The following DOCK9 variants were observed in gnomAD, a reference collection of about 807,000 sequenced individuals.
The protein encoded by DOCK9 is dedicator of cytokinesis protein 9.
DOCK9 carries 89 observed loss-of-function variants against 263.3 expected under a neutral mutation model. The observed-to-expected ratio is 0.34, with a 90% CI of 0.28 to 0.40. The LOEUF (loss-of-function observed/expected upper bound fraction) is 0.40. Ranked by LOEUF, DOCK9 falls within the 10% of genes least tolerant of loss-of-function variation. DOCK9 has a pLI of 1.00. For synonymous variants in DOCK9, 976 were observed against 973.1 expected, an observed-to-expected ratio of 1.00 and a Z score of -0.06; for missense variants, 2,140 against 2,603.4, an observed-to-expected ratio of 0.82 and a Z score of 3.87.
chr13:98,904,840 G>A, intron 9 of DOCK9, 134 bp from the exon 10 acceptor site: 2 of 694,074 alleles, frequency 2.9e-6, no homozygotes, highest in Non-Finnish European at 4.7e-6. Flanking sequence ...GAGAGCCGCT[G>A]TGTGTGCCAG....
chr13:99,027,615 T>C (rs1424561651), intron 1 of DOCK9, among the ~76,000 whole-genome samples: 2 of 152,230 alleles, frequency 1.3e-5, no homozygotes, highest in Non-Finnish European at 2.9e-5. Context: ...TTGTAAGTCA[T>C]GATACGGTAA....
chr13:99,022,881 G>A (rs1886286872), intron 1 of DOCK9, among the ~76,000 whole-genome samples: 3 of 152,140 alleles, frequency 2.0e-5, no homozygotes, highest in Non-Finnish European at 4.4e-5. Context: ...CCCAGGAATC[G>A]AAGGCCGCAT....
At chr13:99,022,238 T>C in intron 1 of DOCK9, among the ~76,000 whole-genome samples, 1 of 151,780 alleles carries the variant, frequency 6.6e-6, no homozygotes, top group Non-Finnish European at 1.5e-5. Flanking sequence ...TGGACAGGAG[T>C]TGTTGGACCC....
chr13:98,808,215 T>C (rs1292945399), intron 47 of DOCK9, among the ~76,000 whole-genome samples: 2 of 152,144 alleles, frequency 1.3e-5, no homozygotes, highest in Non-Finnish European at 2.9e-5. Flanking sequence ...GCACACAGGA[T>C]TTTATGGCAT....
intron 1 of DOCK9, among the ~76,000 whole-genome samples, chr13:99,044,142 C>T (rs181905414): frequency 1.1e-4 from 16 of 152,342 alleles, no homozygotes; most frequent in African/African-American, 2.4e-4. Flanking sequence ...CAACTGCTCA[C>T]GCGACACTGT....
At chr13:98,900,267 A>G (rs1161802417) in intron 13 of DOCK9, among the ~76,000 whole-genome samples, 1 of 152,246 alleles carries the variant, frequency 6.6e-6, no homozygotes, top group Non-Finnish European at 1.5e-5. Flanking sequence ...TTTTACACCA[A>G]TATGAGCTGC....
intron 47 of DOCK9, chr13:98,808,528 A>G: frequency 2.7e-6 from 2 of 748,592 alleles, no homozygotes; most frequent in South Asian, 3.3e-5. Flanking sequence ...TGCACAAAAC[A>G]GTAAAAAAAA....
chr13:98,928,004 C>CAAAA (rs74265290), intron 3 of DOCK9, among the ~76,000 whole-genome samples: 3 of 62,230 alleles, frequency 4.8e-5, no homozygotes, highest in African/African-American at 8.5e-5. Flanking sequence ...ATCGCACATA[C>CAAAA]AAAAAAAAAA....
Position 98,825,940 on chromosome 13 carries a change from T to C in DOCK9, c.5023+890A>G. On this transcript the variant is annotated intron_variant, in intron 44 of 52. Transcript: ENST00000682017. This position sits in a 1 kb window ranked among gnomAD's most constrained non-coding sequence, Gnocchi z 4.1. ...AAGGGGCGGCTCCCACTGGACTGCT[T>C]CTAAACATGAGGAAATGCATCACCT... The C allele has an allele frequency of 6.5e-7, 1 of 1,541,236 alleles. No homozygotes were observed. The highest frequency in any genetic ancestry group is 8.8e-7 in the Non-Finnish European group (1 of 1,142,190).
At chr13:99,068,132 C>T (rs987700578) in intron 1 of DOCK9, among the ~76,000 whole-genome samples, 2 of 152,298 alleles carry the variant, frequency 1.3e-5, no homozygotes, top group Non-Finnish European at 2.9e-5. Flanking sequence ...AAGAAACCCT[C>T]ATCTGCTATT....
intron 27 of DOCK9, among the ~76,000 whole-genome samples, chr13:98,878,899 G>C (rs1360548020): frequency 2.0e-5 from 3 of 152,100 alleles, no homozygotes; most frequent in Non-Finnish European, 4.4e-5. Context: ...CCTAGATTCT[G>C]CCCCTCCCTC....
intron 1 of DOCK9, among the ~76,000 whole-genome samples, chr13:98,989,561 TA>T (rs1879334178): frequency 6.6e-6 from 1 of 152,036 alleles, no homozygotes; most frequent in Admixed American, 6.5e-5. Flanking sequence ...CCACAATGTT[TA>T]AACACAGATC....
chr13:98,969,326 C>A (rs1208772806), intron 1 of DOCK9, among the ~76,000 whole-genome samples: 1 of 152,156 alleles, frequency 6.6e-6, no homozygotes, highest in East Asian at 1.9e-4. Context: ...ATGGCTAAAC[C>A]TTTGCAGGTG....
chr13:98,848,447 G>A (rs1171402107), intron 37 of DOCK9, 145 bp downstream of exon 37: 5 of 751,238 alleles, frequency 6.7e-6, no homozygotes, highest in South Asian at 1.8e-5. Flanking sequence ...CAGGCTCTGC[G>A]GTGGCAATCC....
Position 98,848,710 on chromosome 13 carries a change from T to G in DOCK9, c.4014-71A>C, listed in dbSNP as rs370535207. On this transcript the variant is annotated intron_variant, in intron 36 of 52. Coordinates refer to ENST00000682017, the MANE Select transcript of DOCK9 (RefSeq NM_001366683.2). ...TATTTTCGGGACGTTATTTATCTGTTAACAATAACAAATTCAATAAACATT... is the reference window on the plus strand; with the variant it reads ...TATTTTCGGGACGTTATTTATCTGTGAACAATAACAAATTCAATAAACATT... 1.0e-4 allele frequency: 141 copies of G among 1,393,946 alleles called. 2 individuals are homozygous for G. Among genetic ancestry groups the G allele is most frequent in the South Asian group, 9.6e-4 (77 of 80,386 alleles). 86.3% of individuals were successfully genotyped at this position (1,393,946 alleles called of 1,614,324 possible).
intron 6 of DOCK9, 62 bp from the exon 7 acceptor site, chr13:98,921,150 A>G (rs2140072130): frequency 1.3e-6 from 2 of 1,504,908 alleles, no homozygotes; most frequent in South Asian, 2.5e-5. Flanking sequence ...ATCTCTATCA[A>G]TAACCCACTT....
At chr13:98,972,189 G>C (rs1490891670) in intron 1 of DOCK9, among the ~76,000 whole-genome samples, 1 of 152,190 alleles carries the variant, frequency 6.6e-6, no homozygotes, top group East Asian at 1.9e-4. Context: ...CTGCCTCCTA[G>C]AGTTGTGAGG....
At chr13:98,805,578 C>T (rs1220752163) in intron 48 of DOCK9, among the ~76,000 whole-genome samples, 2 of 152,134 alleles carry the variant, frequency 1.3e-5, no homozygotes, top group Non-Finnish European at 2.9e-5. Context: ...CACTGATTCC[C>T]TAATACCATC....
In DOCK9 at chr13:98,977,844, G is replaced by A. The variant is rs748058012; in HGVS notation, c.66C>T (p.Pro22=). 1.9e-6 allele frequency: 3 copies of A among 1,608,206 alleles called. No individual in the cohort carries two copies. Among genetic ancestry groups the A allele is most frequent in the Non-Finnish European group, 2.5e-6 (3 of 1,177,108 alleles). ...SVKKELVIES[P]LQYKDAAQGE... Reference sequence around the variant, plus strand: ...CCTGAGCTGCATCCTTGTATTGCAGGGGGGACTCAATCACCAGTTCCTTTT... The same window carrying A: ...CCTGAGCTGCATCCTTGTATTGCAGAGGGGACTCAATCACCAGTTCCTTTT... The change falls in exon 1 of 53, where the codon CCC becomes CCT. Residue 22 remains proline (P), a synonymous_variant. Transcript: ENST00000682017.
Sources: allele counts gnomAD v4.1 joint callset (sites outside exome capture counted in the v4.1 genomes callset), GRCh38; gene constraint gnomAD v4.1.1; non-coding constraint Gnocchi (gnomAD v3.1); transcripts MANE v1.5; gene names NCBI Gene and HGNC (gene_info 2026-07-23, HGNC 2026-07-21).